Variants in CCDC85C observed in about 807,000 individuals in gnomAD.
CCDC85C encodes coiled-coil domain containing 85C.
CCDC85C carries 18 observed loss-of-function variants against 38.3 expected under a neutral mutation model. The observed-to-expected ratio is 0.47, with a 90% confidence interval of 0.33 to 0.70. The LOEUF is 0.70. Among genes scored for constraint, CCDC85C ranks in the 30% least tolerant of loss-of-function variants. The pLI is 0.03. For synonymous variants in CCDC85C, 264 were observed against 293.8 expected, an observed-to-expected ratio of 0.90 and a Z score of 1.04; for missense variants, 566 against 621.2, an observed-to-expected ratio of 0.91 and a Z score of 0.94.
intron 1 of CCDC85C, among the ~76,000 whole-genome samples, chr14:99,595,852 A>G (rs1464335864): frequency 2.6e-5 from 4 of 152,176 alleles, no homozygotes. Flanking sequence ...GGGACCAGCA[A>G]CTGTTGTGGG....
chr14:99,511,466 A>C lies in CCDC85C; in HGVS notation c.*3780T>G, dbSNP rs1897129673. The C allele has an allele frequency of 6.6e-6, 1 of 152,600 alleles. No homozygotes were observed. Among genetic ancestry groups the C allele is most frequent in the Admixed American group, 6.5e-5 (1 of 15,288 alleles). The allele number at this position is 152,600 out of a possible 1,614,324, so 9.5% of individuals were successfully genotyped here. ...ATACTGTGAATTCCATCTTGGTTAC[A>C]AATGAGACTCCTTCAGTCAGTTATC... is the stretch of plus-strand genomic sequence containing the variant. On this transcript the variant is annotated 3_prime_UTR_variant, in exon 6 of 6. Coordinates refer to ENST00000380243, the MANE Select transcript of CCDC85C (RefSeq NM_001144995.2).
intron 2 of CCDC85C, among the ~76,000 whole-genome samples, chr14:99,530,439 C>A (rs1460193706): frequency 6.6e-6 from 1 of 152,174 alleles, no homozygotes; most frequent in Non-Finnish European, 1.5e-5. Context: ...GAAACGCTGA[C>A]CAACAGAGAT....
intron 1 of CCDC85C, among the ~76,000 whole-genome samples, chr14:99,570,925 G>A (rs529327045): frequency 1.3e-5 from 2 of 152,246 alleles, no homozygotes; most frequent in South Asian, 2.1e-4. Context: ...CCCAGTAGGC[G>A]GGGGAAGGCA....
intron 1 of CCDC85C, among the ~76,000 whole-genome samples, chr14:99,575,601 T>A (rs1336771827): frequency 6.6e-6 from 1 of 152,232 alleles, no homozygotes; most frequent in Non-Finnish European, 1.5e-5. Context: ...GTGGCAGCCC[T>A]GTATGTCCCA....
rs1452049481 is a variant in CCDC85C, at chr14:99,504,051, C to T, written c.*11195G>A. ...GTGTGCTGCCCGGACAGCACCAGCC[C>T]GGCCCAGCCCAGCTGCCCTTGCAGG... On this transcript the variant is annotated 3_prime_UTR_variant, in exon 6 of 6. Coordinates refer to ENST00000380243, the MANE Select transcript of CCDC85C (RefSeq NM_001144995.2). 5.3e-6 allele frequency: 2 copies of T among 374,772 alleles called. No individual in the cohort carries two copies. The highest frequency in any genetic ancestry group is 1.9e-5 in the South Asian group (1 of 51,418). The allele number at this position is 374,772 out of a possible 1,614,324, so 23.2% of individuals were successfully genotyped here.
In CCDC85C at chr14:99,572,037, C is replaced by T. The variant is rs751875159; in HGVS notation, c.793+31130G>A. Among the ~76,000 whole-genome samples the T allele has an allele frequency of 6.6e-4, 101 of 152,252 alleles. 1 individual carries two copies. The highest frequency in any genetic ancestry group is 6.8e-3 in the Middle Eastern group (2 of 294). ...ACTGCCTGCAGCAGGCACCCTTCCACGGGGCATCTCAGAGCGTGATCCCCA... is the reference window on the plus strand; with the variant it reads ...ACTGCCTGCAGCAGGCACCCTTCCATGGGGCATCTCAGAGCGTGATCCCCA... On this transcript the variant is annotated intron_variant, in intron 1 of 5. Transcript: ENST00000380243. The surrounding 1 kb of genome is among the most constrained non-coding windows in gnomAD (Gnocchi z 4.4).
chr14:99,531,461 T>C (rs1023853538), intron 2 of CCDC85C, among the ~76,000 whole-genome samples: 3 of 151,970 alleles, frequency 2.0e-5, no homozygotes, highest in Non-Finnish European at 4.4e-5. Flanking sequence ...AGCAGCTGTG[T>C]TGATGAAATT....
intron 1 of CCDC85C, among the ~76,000 whole-genome samples, chr14:99,560,562 A>T (rs1198856302): frequency 2.0e-5 from 3 of 152,204 alleles, no homozygotes; most frequent in Non-Finnish European, 4.4e-5. Flanking sequence ...CCAGACCGCC[A>T]GCATCACGCC....
rs77669548 is a variant in CCDC85C at position 99,528,731 on chromosome 14, C to T, written c.868-6491G>A. On this transcript the variant is annotated intron_variant, in intron 2 of 5. Transcript: ENST00000380243. ...TCAAGGCAAAGATGACCTGCAAGGT[C>T]GCCCACAAGAGCTACACAGTCATAC... is the stretch of plus-strand genomic sequence containing the variant. Among the ~76,000 whole-genome samples the T allele has an allele frequency of 6.0e-4, 91 of 151,820 alleles. 1 individual carries two copies. In the East Asian group the frequency reaches 0.015, roughly 25 times the overall value.
Position 99,533,832 on chromosome 14 carries a change from C to T in CCDC85C, c.867+2183G>A, listed in dbSNP as rs1208955301. Among the ~76,000 whole-genome samples the T allele has an allele frequency of 6.6e-6, 1 of 152,192 alleles. No homozygotes were observed. Among genetic ancestry groups the T allele is most frequent in the African/African-American group, 2.4e-5 (1 of 41,446 alleles). On this transcript the variant is annotated intron_variant, in intron 2 of 5. Transcript: ENST00000380243. The surrounding 1 kb of genome is among the most constrained non-coding windows in gnomAD (Gnocchi z 4.2). ...GGACACAGGTTATGGTGGAGGGCCC[C>T]CTGTGAGACCGGGGGGCACCCCAGG... is the stretch of plus-strand genomic sequence containing the variant.
Position 99,507,384 on chromosome 14 carries a change from C to T in CCDC85C, c.*7862G>A. 2 of 512,338 alleles carry T rather than the reference C, an allele frequency of 3.9e-6. No individual in the cohort carries two copies. The highest frequency in any genetic ancestry group is 7.1e-6 in the Non-Finnish European group (2 of 281,282). 31.7% of individuals were successfully genotyped at this position (512,338 alleles called of 1,614,324 possible). ...CTGACCCCAGGAGTTCGAGGTCAGC[C>T]TGGGCAACAAAGTGAGACCCTGTCT... On this transcript the variant is annotated 3_prime_UTR_variant, in exon 6 of 6. Coordinates refer to ENST00000380243, the MANE Select transcript of CCDC85C (RefSeq NM_001144995.2).
chr14:99,531,158 G>C (rs1897485045), intron 2 of CCDC85C, among the ~76,000 whole-genome samples: 1 of 152,214 alleles, frequency 6.6e-6, no homozygotes, highest in South Asian at 2.1e-4. Context: ...GGGAAGAGGG[G>C]AGAGGAGGAG....
At chr14:99,587,328 A>G (rs2055037713) in intron 1 of CCDC85C, among the ~76,000 whole-genome samples, 1 of 152,260 alleles carries the variant, frequency 6.6e-6, no homozygotes, top group Admixed American at 6.5e-5. Context: ...ACTGTCTACT[A>G]AAGCCCTCAG....
At chr14:99,555,793 G>A (rs997790332) in intron 1 of CCDC85C, among the ~76,000 whole-genome samples, 2 of 152,144 alleles carry the variant, frequency 1.3e-5, no homozygotes, top group Admixed American at 6.5e-5. Flanking sequence ...AGAGCCTCCC[G>A]CAAACCAGTT....
In CCDC85C at chr14:99,548,319, G is replaced by A. The variant is rs982580892; in HGVS notation, c.794-12231C>T. 3.3e-5 allele frequency among the ~76,000 whole-genome samples: 5 copies of A among 152,162 alleles called. No individual in the cohort carries two copies. The highest frequency in any genetic ancestry group is 7.4e-5 in the Non-Finnish European group (5 of 68,014). ...TCTGTGAGGAGACGCCCAACCGCAG[G>A]TGTCATCAAGGAAACCCAATTCCGA... is the stretch of plus-strand genomic sequence containing the variant. On this transcript the variant is annotated intron_variant, in intron 1 of 5. Transcript: ENST00000380243. This position sits in a 1 kb window ranked among gnomAD's most constrained non-coding sequence, Gnocchi z 4.9.
Position 99,603,615 on chromosome 14 carries a change from G to T in CCDC85C, c.345C>A (p.Ala115=). Residue 115 remains alanine, a synonymous_variant, in exon 1 of 6, where the codon GCC becomes GCA. Transcript: ENST00000380243. This position sits in a 1 kb window ranked among gnomAD's most constrained non-coding sequence, Gnocchi z 7.5. The stretch of plus-strand genomic sequence containing the variant: ...GCGAGCGGGCCACCTCGTGCCACAC[G>T]GCGCCGGCCGCGTGGCGCCCGAAGC... ...WQRFGRHAAG[A]VWHEVARSQQ... is the part of the protein sequence containing the mutation. 1 of 1,456,506 alleles carries T rather than the reference G, an allele frequency of 6.9e-7. No homozygotes were observed. The allele number at this position is 1,456,506 out of a possible 1,614,324, so 90.2% of individuals were successfully genotyped here.
Position 99,516,058 on chromosome 14 carries a change from C to A in CCDC85C, c.1170+130G>T. 1 of 750,490 alleles carries A rather than the reference C, an allele frequency of 1.3e-6. No homozygotes were observed. The highest frequency in any genetic ancestry group is 2.3e-6 in the Non-Finnish European group (1 of 443,858). The allele number at this position is 750,490 out of a possible 1,614,324, so 46.5% of individuals were successfully genotyped here. ...ACCTCTGAGGCCTCCCCCCAGCTAT[C>A]CAAGGTCACCCAGCCTTCGCTGAGC... On this transcript the variant is annotated intron_variant, in intron 5 of 5. Coordinates refer to ENST00000380243, the MANE Select transcript of CCDC85C (RefSeq NM_001144995.2). This position sits in a 1 kb window ranked among gnomAD's most constrained non-coding sequence, Gnocchi z 5.5.
At chr14:99,571,192 G>T (rs1898334302) in intron 1 of CCDC85C, among the ~76,000 whole-genome samples, 1 of 152,126 alleles carries the variant, frequency 6.6e-6, no homozygotes, top group South Asian at 2.1e-4. Flanking sequence ...CAGGGATCAT[G>T]GGGGAGGGGC....
At chr14:99,602,918 C>G (rs978954320) in intron 1 of CCDC85C, among the ~76,000 whole-genome samples, 1 of 152,244 alleles carries the variant, frequency 6.6e-6, no homozygotes, top group Non-Finnish European at 1.5e-5. Flanking sequence ...AGAAACTTTT[C>G]TGGGACCGGA....
Sources: allele counts gnomAD v4.1 joint callset (sites outside exome capture counted in the v4.1 genomes callset), GRCh38; gene constraint gnomAD v4.1.1; non-coding constraint Gnocchi (gnomAD v3.1); transcripts MANE v1.5; gene names NCBI Gene and HGNC (gene_info 2026-07-23, HGNC 2026-07-21).